LRRC75B: variants seen among roughly 807,000 people sequenced by gnomAD.
LRRC75B encodes the protein leucine-rich repeat-containing protein 75B.
A neutral mutation model predicts 16.5 loss-of-function variants in LRRC75B; 20 were observed. That is an observed-to-expected ratio of 1.21 (90% CI 0.85 to 1.76). LRRC75B has a LOEUF of 1.76. LRRC75B is among the 40% of genes most tolerant of loss of function. The pLI, the probability that LRRC75B is intolerant of heterozygous loss-of-function variation, is 0.00. For missense variants in LRRC75B, 406 were observed against 417.0 expected, an observed-to-expected ratio of 0.97 and a Z score of 0.23; for synonymous variants, 199 against 198.1, an observed-to-expected ratio of 1.00 and a Z score of -0.04.
Position 24,585,878 on chromosome 22 carries a change from G to C in LRRC75B, c.*8C>G. The stretch of plus-strand genomic sequence containing the variant: ...AAGTCAGTAGCAATGAGCCAGGTGG[G>C]TGGTGGGTCACCTGGCACAGCAGGC... On this transcript the variant is annotated 3_prime_UTR_variant, in exon 4 of 4. Coordinates refer to ENST00000318753, the MANE Select transcript of LRRC75B (RefSeq NM_207644.3). The C allele has an allele frequency of 6.4e-7, 1 of 1,570,356 alleles. No individual in the cohort carries two copies. Among genetic ancestry groups the C allele is most frequent in the Non-Finnish European group, 8.6e-7 (1 of 1,159,672 alleles).
rs558891096 is a variant in LRRC75B, at chr22:24,586,291, C to T, written c.543G>A (p.Val181=). 6.2e-7 allele frequency: 1 copy of T among 1,614,014 alleles called. No individual in the cohort carries two copies. The highest frequency in any genetic ancestry group is 1.3e-5 in the African/African-American group (1 of 75,078). ...TGAAGCTCAGGTCCAGCACCGCCAG[C>T]ACAGCACCATGGCTGCTCAGGTAGC... ...ITRYLSSHGA[V]LAVLDLSFTG... is the part of the protein sequence containing the mutation. Residue 181 remains valine, a synonymous_variant, in exon 4 of 4, where the codon GTG becomes GTA. Transcript: ENST00000318753.
At position 24,588,809 on chromosome 22, in the gene LRRC75B, G is replaced by A. The variant is rs566280614; in HGVS notation, c.307-480C>T. On this transcript the variant is annotated intron_variant, in intron 2 of 3. Transcript: ENST00000318753. Reference sequence around the variant, plus strand: ...ACTCTCCAAGCGAGACTGCGCCTGCGGGGTCTGGGTCTGGGCTGACAGGGC... The same window carrying A: ...ACTCTCCAAGCGAGACTGCGCCTGCAGGGTCTGGGTCTGGGCTGACAGGGC... 15 of 1,014,564 alleles carry A rather than the reference G, an allele frequency of 1.5e-5. No individual in the cohort carries two copies. The East Asian group carries it at 2.8e-4, about 19-fold the overall frequency. The allele number at this position is 1,014,564 out of a possible 1,614,324, so 62.8% of individuals were successfully genotyped here. A position where few individuals can be genotyped will look rare whatever the true frequency, so the allele number is the denominator to read the frequency against.
chr22:24,591,432 G>A (rs2147170899), intron 1 of LRRC75B, among the ~76,000 whole-genome samples: 1 of 152,354 alleles, frequency 6.6e-6, no homozygotes, highest in South Asian at 2.1e-4. Context: ...CCACAGCCAG[G>A]AGGGGCCTCT....
intron 2 of LRRC75B, 58 bp from the exon 3 acceptor site, chr22:24,588,387 C>A (rs1203017406): frequency 8.7e-6 from 12 of 1,371,686 alleles, no homozygotes; most frequent in African/African-American, 5.7e-5. Flanking sequence ...ACCTCAGGGC[C>A]TTGGGGAGAG....
Position 24,593,004 on chromosome 22 carries a change from C to A in LRRC75B, c.36G>T (p.Glu12Asp). 1 of 1,126,998 alleles carries A rather than the reference C, an allele frequency of 8.9e-7. No homozygotes were observed. Among genetic ancestry groups the A allele is most frequent in the Non-Finnish European group, 1.1e-6 (1 of 921,390 alleles). 69.8% of individuals were successfully genotyped at this position (1,126,998 alleles called of 1,614,324 possible). A position where few individuals can be genotyped will look rare whatever the true frequency, so the allele number is the denominator to read the frequency against. Residue 12 changes from glutamate to aspartate, a missense_variant, in exon 1 of 4, where the codon GAG (glutamate) becomes GAT (aspartate). Glu to Asp is a conservative substitution (Grantham distance 45). Transcript: ENST00000318753. ...GARLGRRAGP[E>D]AGSEAGAAAG... ...CCGCCGCCCCGGCCTCAGAGCCAGC[C>A]TCGGGCCCGGCCCGCCGGCCCAGCC...
At chr22:24,591,681 T>A (rs1327483460) in intron 1 of LRRC75B, among the ~76,000 whole-genome samples, 1 of 152,210 alleles carries the variant, frequency 6.6e-6, no homozygotes, top group Non-Finnish European at 1.5e-5. Flanking sequence ...ACTGGTGTCT[T>A]GGACTCCAGG....
Position 24,592,847 on chromosome 22 carries a change from C to A in LRRC75B, c.177+16G>T. On this transcript the variant is annotated intron_variant, in intron 1 of 3. Coordinates refer to ENST00000318753, the MANE Select transcript of LRRC75B (RefSeq NM_207644.3). ...CCCTGGCCGCCAGCCCAGGGGCGGA[C>A]GGCTCCTTCTCTCGCCTGGCGCAGG... 1 of 1,274,648 alleles carries A rather than the reference C, an allele frequency of 7.8e-7. No homozygotes were observed. The highest frequency in any genetic ancestry group is 9.9e-7 in the Non-Finnish European group (1 of 1,009,780). The allele number at this position is 1,274,648 out of a possible 1,614,324, so 79.0% of individuals were successfully genotyped here.
chr22:24,588,241 C>T lies in LRRC75B; in HGVS notation c.395G>A (p.Ser132Asn). Residue 132 changes from serine (S) to asparagine (N), a missense_variant, in exon 3 of 4, where the codon AGC becomes AAC. Transcript: ENST00000318753. The stretch of plus-strand genomic sequence containing the variant: ...GCTCTGGGTCTTCCTCTGGCGCAGG[C>T]TGGACCCTTGCTGCTGCTTCGAGTG... ...TPHSKQQQGS[S>N]LRQRKTQSCL... is the part of the protein sequence containing the mutation. 1 of 1,613,416 alleles carries T rather than the reference C, an allele frequency of 6.2e-7. No homozygotes were observed. The highest frequency in any genetic ancestry group is 8.5e-7 in the Non-Finnish European group (1 of 1,179,836).
At chr22:24,587,562 C>T (rs974985712) in intron 3 of LRRC75B, among the ~76,000 whole-genome samples, 2 of 152,034 alleles carry the variant, frequency 1.3e-5, no homozygotes, top group Admixed American at 6.5e-5. Context: ...GGTAAGCTCC[C>T]GGCAGCAGTT....
chr22:24,586,798 T>A (rs1446226539), intron 3 of LRRC75B, among the ~76,000 whole-genome samples: 1 of 152,232 alleles, frequency 6.6e-6, no homozygotes, highest in Admixed American at 6.5e-5. Context: ...CCCAAAGTGC[T>A]GGGATTACAG....
Position 24,589,904 on chromosome 22 carries a change from C to T in LRRC75B, c.223G>A (p.Asp75Asn), listed in dbSNP as rs774666585. ...RTLLPDILYR[D>N]VAFLNPVDPI... ...TCGACCGGGTTGAGGAAGGCCACAT[C>T]TCTGTAGAGGATATCAGGAAGGAGG... The change falls in exon 2 of 4, where the codon GAT becomes AAT. Residue 75 changes from aspartate to asparagine, a missense_variant. Transcript: ENST00000318753. 3.3e-5 allele frequency: 53 copies of T among 1,613,046 alleles called. No homozygotes were observed. In the East Asian group the frequency reaches 1.2e-3, roughly 36 times the overall value.
Position 24,585,836 on chromosome 22 carries a change from G to A in LRRC75B, c.*50C>T, listed in dbSNP as rs1416189153. The A allele has an allele frequency of 6.7e-7, 1 of 1,482,072 alleles. No individual in the cohort carries two copies. The highest frequency in any genetic ancestry group is 2.2e-5 in the Admixed American group (1 of 46,064). 91.8% of individuals were successfully genotyped at this position (1,482,072 alleles called of 1,614,324 possible). The stretch of plus-strand genomic sequence containing the variant: ...CTTGACCTTCATCGCCCACTATCAT[G>A]TGCTTGAGAGCATCACAAGTCAGTA... On this transcript the variant is annotated 3_prime_UTR_variant, in exon 4 of 4. Coordinates refer to ENST00000318753, the MANE Select transcript of LRRC75B (RefSeq NM_207644.3).
At chr22:24,588,055 G>A (rs184083372) in intron 3 of LRRC75B, among the ~76,000 whole-genome samples, 159 bp downstream of exon 3, 46 of 152,262 alleles carry the variant, frequency 3.0e-4, no homozygotes, top group Admixed American at 6.5e-4. Flanking sequence ...CTGCTACCAC[G>A]GGCCAGGCTG....
At chr22:24,588,881 T>C in intron 2 of LRRC75B, 1 of 1,006,726 alleles carries the variant, frequency 9.9e-7, no homozygotes, top group Admixed American at 5.5e-5. Flanking sequence ...TCTCTCTCAG[T>C]CCTAACTGGG....
chr22:24,590,852 G>C (rs2045548252), intron 1 of LRRC75B, among the ~76,000 whole-genome samples: 1 of 152,130 alleles, frequency 6.6e-6, no homozygotes, highest in African/African-American at 2.4e-5. Context: ...GGGGCCAGAA[G>C]CTCTGGAACC....
chr22:24,589,850 G>C lies in LRRC75B; in HGVS notation c.277C>G (p.Leu93Val), dbSNP rs1410837435. The C allele has an allele frequency of 6.2e-7, 1 of 1,613,788 alleles. No individual in the cohort carries two copies. The highest frequency in any genetic ancestry group is 8.5e-7 in the Non-Finnish European group (1 of 1,179,864). ...TTGGGGCACTGCAGGTCCCGGGCCAGGTTCACAAGCAGGTCATGGGAGATG... is the reference window on the plus strand; with the variant it reads ...TTGGGGCACTGCAGGTCCCGGGCCACGTTCACAAGCAGGTCATGGGAGATG... ...DPISHDLLVNLARDLQCPKKD... is the reference protein window; with the variant it reads ...DPISHDLLVNVARDLQCPKKD... The change falls in exon 2 of 4, where the codon CTG becomes GTG. Residue 93 changes from leucine to valine, a missense_variant. Coordinates refer to ENST00000318753, the MANE Select transcript of LRRC75B (RefSeq NM_207644.3).
Position 24,589,814 on chromosome 22 carries a change from G to A in LRRC75B, c.306+7C>T. 1 of 1,610,794 alleles carries A rather than the reference G, an allele frequency of 6.2e-7. No homozygotes were observed. The highest frequency in any genetic ancestry group is 8.5e-7 in the Non-Finnish European group (1 of 1,178,880). ...CCCAGCCCAGGGCCCGTGCCTGCCA[G>A]CCTCACCTTCTTGGGGCACTGCAGG... On this transcript the variant is annotated splice_region_variant and intron_variant, in intron 2 of 3. Transcript: ENST00000318753.
chr22:24,590,880 C>T (rs905632387), intron 1 of LRRC75B, among the ~76,000 whole-genome samples: 3 of 152,166 alleles, frequency 2.0e-5, no homozygotes, highest in Non-Finnish European at 4.4e-5. Context: ...ACTCTTCCGT[C>T]CTCCTCTCTC....
chr22:24,588,113 G>C, intron 3 of LRRC75B, 101 bp downstream of exon 3: 1 of 916,954 alleles, frequency 1.1e-6, no homozygotes, highest in Middle Eastern at 3.3e-4. Context: ...GCCTCACCAG[G>C]TGGGATTTCA....
Sources: allele counts gnomAD v4.1 joint callset (sites outside exome capture counted in the v4.1 genomes callset), GRCh38; gene constraint gnomAD v4.1.1; transcripts MANE v1.5; gene names NCBI Gene and HGNC (gene_info 2026-07-23, HGNC 2026-07-21).